Variants in DPP4 observed in about 807,000 individuals in gnomAD.
DPP4 encodes ADCP-2.
Under a neutral mutation model 122.4 loss-of-function variants are expected in DPP4, and 93 were observed. That is an observed-to-expected ratio of 0.76 (90% CI 0.64 to 0.90). The LOEUF (loss-of-function observed/expected upper bound fraction) is 0.90. Among genes scored for constraint, DPP4 ranks in the 40% least tolerant of loss-of-function variants. The pLI, the probability that DPP4 is intolerant of heterozygous loss-of-function variation, is 0.00. For missense variants in DPP4, 914 were observed against 907.3 expected (o/e 1.01, Z -0.09); for synonymous variants, 321 against 302.9 (o/e 1.06, Z -0.62).
At chr2:162,053,587 C>T (rs1168600415) in intron 2 of DPP4, among the ~76,000 whole-genome samples, 1 of 152,206 alleles carries the variant, frequency 6.6e-6, no homozygotes, top group African/African-American at 2.4e-5. Context: ...GCCTTGGGCA[C>T]CCATGGGACC....
chr2:162,063,380 T>C (rs1684847090), intron 2 of DPP4, among the ~76,000 whole-genome samples: 1 of 152,188 alleles, frequency 6.6e-6, no homozygotes, highest in South Asian at 2.1e-4. Context: ...TGCCAAGTTG[T>C]AAATGGTATT....
At chr2:162,041,904 C>T (rs956727695) in intron 5 of DPP4, among the ~76,000 whole-genome samples, 3 of 152,110 alleles carry the variant, frequency 2.0e-5, no homozygotes, top group Admixed American at 6.6e-5. Context: ...TAGTAAATGA[C>T]AATAAAATAA....
chr2:162,050,030 G>A (rs187874579), intron 2 of DPP4, among the ~76,000 whole-genome samples: 2 of 152,234 alleles, frequency 1.3e-5, no homozygotes, highest in African/African-American at 2.4e-5. Context: ...TATAGCAAGC[G>A]GGTAAAATCA....
intron 2 of DPP4, among the ~76,000 whole-genome samples, chr2:162,049,454 A>G (rs1684306109): frequency 6.6e-6 from 1 of 151,284 alleles, no homozygotes; most frequent in Non-Finnish European, 1.5e-5. Flanking sequence ...ATGGCGAGGA[A>G]CAACCAACAC....
intron 8 of DPP4, among the ~76,000 whole-genome samples, chr2:162,036,934 T>C (rs1683797275): frequency 6.6e-6 from 1 of 152,256 alleles, no homozygotes; most frequent in African/African-American, 2.4e-5. Flanking sequence ...CCATTGATTC[T>C]GGTCTATAAC....
rs1432559781 is a variant in DPP4, at chr2:162,014,331, G to C, written c.1637+65C>G. Reference sequence around the variant, plus strand: ...CGCATTTGGCTCCATTTTTCAGTAAGCTGCACTGAGAAAAATATATATGAC... The same window carrying C: ...CGCATTTGGCTCCATTTTTCAGTAACCTGCACTGAGAAAAATATATATGAC... On this transcript the variant is annotated intron_variant, in intron 19 of 25. Coordinates refer to ENST00000360534, the MANE Select transcript of DPP4 (RefSeq NM_001935.4). 10 of 1,352,508 alleles carry C rather than the reference G, an allele frequency of 7.4e-6. No homozygotes were observed. In the Admixed American group the frequency reaches 1.9e-4, roughly 26 times the overall value. 83.8% of individuals were successfully genotyped at this position (1,352,508 alleles called of 1,614,324 possible).
At chr2:162,008,689 G>A in intron 21 of DPP4, 28 bp from the exon 22 acceptor site, 1 of 1,582,646 alleles carries the variant, frequency 6.3e-7, no homozygotes, top group Non-Finnish European at 8.7e-7. Flanking sequence ...TTATTTTTAT[G>A]GAGGTAAAAG....
rs1451486689 is a variant in DPP4, at chr2:162,061,315, T to C, written c.94+12084A>G. On this transcript the variant is annotated intron_variant, in intron 2 of 25. Transcript: ENST00000360534. Reference sequence around the variant, plus strand: ...CTGATCCTGCTGCATCCCCAAGCCATCTGGACAAACTTCTCAAATAAACAG... The same window carrying C: ...CTGATCCTGCTGCATCCCCAAGCCACCTGGACAAACTTCTCAAATAAACAG... Among the ~76,000 whole-genome samples the C allele has an allele frequency of 3.3e-5, 5 of 152,196 alleles. No individual in the cohort carries two copies. In the East Asian group the frequency reaches 9.6e-4, roughly 29 times the overall value.
At chr2:162,063,485 A>G (rs1457926799) in intron 2 of DPP4, among the ~76,000 whole-genome samples, 1 of 152,160 alleles carries the variant, frequency 6.6e-6, no homozygotes, top group African/African-American at 2.4e-5. Context: ...AGTTGAAGAC[A>G]TCAGGAAGAA....
chr2:162,016,827 A>G lies in DPP4; in HGVS notation c.1508T>C (p.Met503Thr). ...VLEDNSALDK[M>T]LQNVQMPSKK... ...GGAGGGCATCTGGACATTCTGCAGC[A>G]TTTTATCCAAAGCTGAATTGTCTTC... is the stretch of plus-strand genomic sequence containing the variant. The change falls in exon 18 of 26, where the codon ATG becomes ACG. Residue 503 changes from methionine to threonine, a missense_variant. Transcript: ENST00000360534. 1.2e-6 allele frequency: 2 copies of G among 1,613,314 alleles called. No homozygotes were observed. The highest frequency in any genetic ancestry group is 1.3e-5 in the African/African-American group (1 of 75,028).
rs1683274754 is a variant in DPP4, at chr2:162,025,053, T to C, written c.888-114A>G. On this transcript the variant is annotated intron_variant, in intron 10 of 25. Coordinates refer to ENST00000360534, the MANE Select transcript of DPP4 (RefSeq NM_001935.4). Reference sequence around the variant, plus strand: ...AAAAGAAATCAATCTTAATGGGAAGTAGAATTATAAATGGTTAATGAAACC... The same window carrying C: ...AAAAGAAATCAATCTTAATGGGAAGCAGAATTATAAATGGTTAATGAAACC... 8.4e-6 allele frequency: 10 copies of C among 1,184,812 alleles called. No homozygotes were observed. The South Asian group carries it at 1.3e-4, about 15-fold the overall frequency. The allele number at this position is 1,184,812 out of a possible 1,614,324, so 73.4% of individuals were successfully genotyped here.
chr2:162,038,865 G>A (rs1193999213), intron 7 of DPP4, 84 bp downstream of exon 7: 27 of 1,196,506 alleles, frequency 2.3e-5, no homozygotes, highest in Non-Finnish European at 3.0e-5. Flanking sequence ...TTCCTAAGAT[G>A]TCTGCTTTGT....
chr2:161,994,933 C>A, intron 25 of DPP4, 28 bp downstream of exon 25: 1 of 1,608,670 alleles, frequency 6.2e-7, no homozygotes, highest in Non-Finnish European at 8.5e-7. Flanking sequence ...CAGCAACTTC[C>A]CTCCCCTTGC....
chr2:162,026,481 C>T (rs1448652077), intron 10 of DPP4, among the ~76,000 whole-genome samples: 3 of 152,200 alleles, frequency 2.0e-5, no homozygotes, highest in African/African-American at 4.8e-5. Flanking sequence ...CCATGAGTTT[C>T]CCCAGTTGCC....
chr2:162,064,555 A>T (rs905925904), intron 2 of DPP4, among the ~76,000 whole-genome samples: 50 of 152,126 alleles, frequency 3.3e-4, no homozygotes, highest in Non-Finnish European at 6.5e-4. Context: ...ACCATTTTTT[A>T]AAAATTTTGC....
chr2:162,026,647 G>A (rs922872432), intron 10 of DPP4, among the ~76,000 whole-genome samples: 3 of 152,044 alleles, frequency 2.0e-5, no homozygotes, highest in Non-Finnish European at 2.9e-5. Context: ...ATCACAAACC[G>A]CCAGGCTGCA....
chr2:162,035,186 G>A lies in DPP4; in HGVS notation c.752C>T (p.Thr251Ile). ...YSDESLQYPK[T>I]VRVPYPKAGA... ...GACCTTTGGATATGGAACCCGTACA[G>A]TCTTTGGGTACTGCAGTGACTCATC... is the stretch of plus-strand genomic sequence containing the variant. Residue 251 changes from threonine (T) to isoleucine (I), a missense_variant, in exon 9 of 26, where the codon ACT (threonine) becomes ATT (isoleucine). Coordinates refer to ENST00000360534, the MANE Select transcript of DPP4 (RefSeq NM_001935.4). 1 of 1,613,974 alleles carries A rather than the reference G, an allele frequency of 6.2e-7. No individual in the cohort carries two copies. The highest frequency in any genetic ancestry group is 8.5e-7 in the Non-Finnish European group (1 of 1,179,926).
At chr2:161,996,505 A>C (rs895066762) in intron 23 of DPP4, among the ~76,000 whole-genome samples, 1 of 152,230 alleles carries the variant, frequency 6.6e-6, no homozygotes, top group Admixed American at 6.5e-5. Context: ...ATGGGGCTAA[A>C]GTAACAGTGT....
At chr2:162,035,887 G>C (rs1683752696) in intron 8 of DPP4, among the ~76,000 whole-genome samples, 1 of 152,124 alleles carries the variant, frequency 6.6e-6, no homozygotes, top group Non-Finnish European at 1.5e-5. Flanking sequence ...ACATCTCCTT[G>C]CCCAGCCCAG....
Sources: allele counts gnomAD v4.1 joint callset (sites outside exome capture counted in the v4.1 genomes callset), GRCh38; gene constraint gnomAD v4.1.1; transcripts MANE v1.5; gene names NCBI Gene and HGNC (gene_info 2026-07-23, HGNC 2026-07-21).